Variants in FBXL13 observed in about 807,000 individuals in gnomAD.
FBXL13 encodes the protein F-box and leucine rich repeat protein 13, also known as F-box and leucine-rich repeat protein 13.
Under a neutral mutation model 83.6 loss-of-function variants are expected in FBXL13, and 67 were observed. The observed-to-expected ratio is 0.80, with a 90% confidence interval of 0.66 to 0.98. The LOEUF is 0.98. Ranked by LOEUF, FBXL13 falls within the 50% of genes least tolerant of loss-of-function variation. The pLI, the probability that FBXL13 is intolerant of heterozygous loss-of-function variation, is 0.00. For missense variants in FBXL13, 822 were observed against 866.5 expected, an observed-to-expected ratio of 0.95 and a Z score of 0.64; for synonymous variants, 272 against 299.5, an observed-to-expected ratio of 0.91 and a Z score of 0.95.
At chr7:102,858,348 A>G (rs576431286) in intron 16 of FBXL13, among the ~76,000 whole-genome samples, 1 of 152,312 alleles carries the variant, frequency 6.6e-6, no homozygotes, top group South Asian at 2.1e-4. Context: ...AATAGGAGGA[A>G]TGAGTTCAGG....
At chr7:103,015,375 C>T (rs1162494038) in intron 6 of FBXL13, among the ~76,000 whole-genome samples, 2 of 152,146 alleles carry the variant, frequency 1.3e-5, no homozygotes, top group Admixed American at 1.3e-4. Flanking sequence ...ATAAAAGATG[C>T]TCAAAGGAAG....
At chr7:103,034,513 C>T (rs1395690242) in intron 2 of FBXL13, among the ~76,000 whole-genome samples, 1 of 152,252 alleles carries the variant, frequency 6.6e-6, no homozygotes, top group East Asian at 1.9e-4. Flanking sequence ...GTCCGCTGAG[C>T]CCACGCCCAC....
chr7:103,051,035 T>C (rs1371157711), intron 2 of FBXL13, among the ~76,000 whole-genome samples: 3 of 150,910 alleles, frequency 2.0e-5, no homozygotes, highest in Non-Finnish European at 3.0e-5. Context: ...GTCATTTCTC[T>C]AAGACTATGC....
chr7:102,943,013 G>GTTATATT lies in FBXL13; in HGVS notation c.725-11087_725-11081dup, dbSNP rs199850524. ...AAAGCTTTTTGTTGTTTTATTTTCA[G>GTTATATT]TTATATTGGTTTTAATTATCCAGCC... On this transcript the variant is annotated intron_variant, in intron 8 of 19. Coordinates refer to ENST00000313221, the Ensembl canonical transcript of FBXL13. Among the ~76,000 whole-genome samples the GTTATATT allele has an allele frequency of 3.7e-3, 567 of 152,172 alleles. 5 individuals carry two copies. The highest frequency in any genetic ancestry group is 0.013 in the African/African-American group (560 of 41,524).
intron 6 of FBXL13, among the ~76,000 whole-genome samples, chr7:102,994,290 G>C (rs1221836539): frequency 2.6e-5 from 4 of 151,778 alleles, no homozygotes; most frequent in Non-Finnish European, 4.4e-5. Context: ...GTCATATCAA[G>C]ATTTAGTAAC....
intron 2 of FBXL13, among the ~76,000 whole-genome samples, chr7:103,030,486 C>T (rs11543780): frequency 0.057 from 8,663 of 152,100 alleles, 484 homozygotes; most frequent in East Asian, 0.28. Flanking sequence ...GAATAAAAAC[C>T]AAGAAGGGGA....
chr7:102,848,867 G>T (rs1258713180), intron 17 of FBXL13, among the ~76,000 whole-genome samples: 1 of 151,984 alleles, frequency 6.6e-6, no homozygotes, highest in Non-Finnish European at 1.5e-5. Context: ...AGGCATGATG[G>T]TGCATGCCTG....
intron 8 of FBXL13, among the ~76,000 whole-genome samples, chr7:102,940,976 T>G (rs1445004998): frequency 6.6e-6 from 1 of 152,240 alleles, no homozygotes; most frequent in Non-Finnish European, 1.5e-5. Context: ...CTAATACCAT[T>G]AATAGAACAT....
chr7:102,869,474 T>C (rs150958564), intron 16 of FBXL13, among the ~76,000 whole-genome samples: 4 of 151,678 alleles, frequency 2.6e-5, no homozygotes, highest in African/African-American at 9.7e-5. Context: ...GCTTTTTAGG[T>C]TGATGTAATA....
rs148310234 is a variant in FBXL13, at chr7:102,882,520, G to C, written c.1388+785C>G. 5.0e-3 allele frequency among the ~76,000 whole-genome samples: 763 copies of C among 152,288 alleles called. 14 individuals carry two copies. The highest frequency in any genetic ancestry group is 0.035 in the Admixed American group (532 of 15,290). ...CTCACACTTGTATTCCCAGCACTTT[G>C]GGAGGCTGAGGCAGGTGGATCACTT... On this transcript the variant is annotated intron_variant, in intron 14 of 19. Transcript: ENST00000313221.
rs568911033 is a variant in FBXL13 at position 102,950,563 on chromosome 7, G to A, written c.724+12970C>T. 2.2e-4 allele frequency among the ~76,000 whole-genome samples: 34 copies of A among 152,236 alleles called. 1 individual carries two copies. The South Asian group carries it at 5.8e-3, about 26-fold the overall frequency. On this transcript the variant is annotated intron_variant, in intron 8 of 19. Coordinates refer to ENST00000313221, the Ensembl canonical transcript of FBXL13. ...TCTACATAAAAACCTGCACATAAAT[G>A]TTTATAACAACTTTATTCATATTTG...
chr7:102,885,225 C>T (rs547613094), intron 11 of FBXL13, among the ~76,000 whole-genome samples: 1 of 152,328 alleles, frequency 6.6e-6, no homozygotes, highest in African/African-American at 2.4e-5. Context: ...TCAGGTGCTG[C>T]ACCATTTTAC....
At chr7:102,860,681 G>C (rs1806681023) in intron 16 of FBXL13, among the ~76,000 whole-genome samples, 1 of 150,288 alleles carries the variant, frequency 6.7e-6, no homozygotes, top group Non-Finnish European at 1.5e-5. Context: ...GGAATGCTCT[G>C]TGTGTGTGTG....
intron 17 of FBXL13, 24 bp from the exon 19 acceptor site, chr7:102,832,998 T>G: frequency 6.2e-7 from 1 of 1,613,480 alleles, no homozygotes; most frequent in Middle Eastern, 1.7e-4. Flanking sequence ...CAAGGTCAAA[T>G]TTTTTCTTTT....
intron 18 of FBXL13, among the ~76,000 whole-genome samples, chr7:102,831,184 T>C (rs1376179755): frequency 6.6e-6 from 1 of 152,136 alleles, no homozygotes; most frequent in Non-Finnish European, 1.5e-5. Context: ...AAAAAGTGCT[T>C]GAATATCTCT....
At chr7:102,959,006 A>C (rs1824748362) in intron 8 of FBXL13, among the ~76,000 whole-genome samples, 1 of 152,164 alleles carries the variant, frequency 6.6e-6, no homozygotes, top group Non-Finnish European at 1.5e-5. Context: ...TCAACATTGC[A>C]AAAAAGGTCC....
chr7:102,849,733 G>A (rs1200485064), intron 17 of FBXL13, among the ~76,000 whole-genome samples: 1 of 152,142 alleles, frequency 6.6e-6, no homozygotes, highest in African/African-American at 2.4e-5. Flanking sequence ...TAATTGGGCT[G>A]GAGGAGGCAA....
At chr7:102,917,814 A>G (rs1453136401) in intron 10 of FBXL13, among the ~76,000 whole-genome samples, 1 of 152,212 alleles carries the variant, frequency 6.6e-6, no homozygotes. Context: ...ACTGTGCCAA[A>G]TGAGGTGCTG....
intron 6 of FBXL13, among the ~76,000 whole-genome samples, chr7:102,979,018 T>A (rs1316927822): frequency 2.6e-5 from 4 of 152,242 alleles, no homozygotes; most frequent in Non-Finnish European, 5.9e-5. Context: ...ATCTACATGA[T>A]ATAAAGATAG....
Sources: allele counts gnomAD v4.1 joint callset (sites outside exome capture counted in the v4.1 genomes callset), GRCh38; gene constraint gnomAD v4.1.1; transcripts MANE v1.5; gene names NCBI Gene and HGNC (gene_info 2026-07-23, HGNC 2026-07-21).